The following RBFOX1 variants were observed in gnomAD, a reference collection of about 807,000 sequenced individuals.
The protein encoded by RBFOX1 is RNA binding protein fox-1 homolog 1.
RBFOX1 carries 8 observed loss-of-function variants against 57.7 expected under a neutral mutation model. The observed-to-expected ratio is 0.14, with a 90% confidence interval of 0.08 to 0.25. The LOEUF (loss-of-function observed/expected upper bound fraction) is 0.25, where lower values mean the gene tolerates loss of function less well. Ranked by LOEUF, RBFOX1 falls within the 10% of genes least tolerant of loss-of-function variation. The pLI, the probability that RBFOX1 is intolerant of heterozygous loss-of-function variation, is 1.00. For missense variants in RBFOX1, 611 were observed against 548.5 expected (o/e 1.11, Z -1.14); for synonymous variants, 326 against 222.4 (o/e 1.47, Z -4.15).
chr16:5,725,761 C>T (rs920982222), intron 3 of RBFOX1, among the ~76,000 whole-genome samples: 4 of 151,992 alleles, frequency 2.6e-5, no homozygotes, highest in Non-Finnish European at 5.9e-5. Flanking sequence ...GGAGCTTATG[C>T]TTCCCAAGAA....
intron 4 of RBFOX1, among the ~76,000 whole-genome samples, chr16:7,279,563 C>G (rs543730898): frequency 2.2e-4 from 34 of 152,254 alleles, no homozygotes; most frequent in African/African-American, 8.2e-4. Context: ...CAGGCTGATA[C>G]TATATTATAG....
chr16:6,499,094 G>C (rs1446858926), intron 2 of RBFOX1, among the ~76,000 whole-genome samples: 1 of 152,196 alleles, frequency 6.6e-6, no homozygotes, highest in Non-Finnish European at 1.5e-5. Context: ...CAGCTCCGTG[G>C]AGCACTTTTC....
chr16:5,969,239 C>T (rs1429818990), intron 4 of RBFOX1, among the ~76,000 whole-genome samples: 4 of 150,000 alleles, frequency 2.7e-5, no homozygotes, highest in Non-Finnish European at 4.4e-5. Flanking sequence ...TTAGTCTGCT[C>T]CTTTTTCTCT....
At chr16:7,219,446 G>A (rs1000212437) in intron 4 of RBFOX1, among the ~76,000 whole-genome samples, 4 of 152,206 alleles carry the variant, frequency 2.6e-5, no homozygotes, top group Non-Finnish European at 4.4e-5. Context: ...AAAGAGAACC[G>A]TCGGCTGCTC....
At chr16:6,496,350 C>A (rs1567440033) in intron 2 of RBFOX1, among the ~76,000 whole-genome samples, 1 of 152,170 alleles carries the variant, frequency 6.6e-6, no homozygotes, top group Non-Finnish European at 1.5e-5. Flanking sequence ...TTTTCCTTTT[C>A]ATTTGAACAA....
intron 5 of RBFOX1, among the ~76,000 whole-genome samples, chr16:7,579,081 G>C (rs952276879): frequency 6.6e-6 from 1 of 152,206 alleles, no homozygotes; most frequent in African/African-American, 2.4e-5. Flanking sequence ...TGGTTCTTGA[G>C]CGCTTGAAAT....
At chr16:7,249,834 A>G (rs28498697) in intron 4 of RBFOX1, among the ~76,000 whole-genome samples, 30 of 152,342 alleles carry the variant, frequency 2.0e-4, no homozygotes, top group African/African-American at 5.8e-4. Context: ...AAGTGGAAAT[A>G]CTTGAATAAA....
At chr16:7,637,449 G>T (rs929946906) in intron 11 of RBFOX1, among the ~76,000 whole-genome samples, 1 of 152,132 alleles carries the variant, frequency 6.6e-6, no homozygotes, top group Non-Finnish European at 1.5e-5. Flanking sequence ...TAATTGTGTG[G>T]AATTCATAAA....
intron 1 of RBFOX1, among the ~76,000 whole-genome samples, chr16:6,282,219 A>G (rs751518206): frequency 1.3e-5 from 2 of 152,150 alleles, no homozygotes; most frequent in Admixed American, 6.5e-5. Context: ...GATCTCTGAG[A>G]CAGATGGACA....
intron 4 of RBFOX1, among the ~76,000 whole-genome samples, chr16:7,158,524 T>C (rs1489631944): frequency 6.6e-6 from 1 of 152,110 alleles, no homozygotes; most frequent in Non-Finnish European, 1.5e-5. Flanking sequence ...TTTGTCTGTG[T>C]GATGTGTGTG....
intron 3 of RBFOX1, among the ~76,000 whole-genome samples, chr16:5,729,206 T>A (rs58216807): frequency 0.024 from 3,716 of 152,240 alleles, 137 homozygotes; most frequent in African/African-American, 0.082. Context: ...TTTCTAAGCT[T>A]CAGTTTGTAG....
intron 3 of RBFOX1, among the ~76,000 whole-genome samples, chr16:5,802,035 G>T (rs958219350): frequency 7.2e-5 from 11 of 152,070 alleles, no homozygotes; most frequent in Non-Finnish European, 1.3e-4. Flanking sequence ...GACCTTGACG[G>T]GGCCTCTTTA....
At chr16:6,600,598 C>G (rs538948505) in intron 2 of RBFOX1, among the ~76,000 whole-genome samples, 25 of 152,122 alleles carry the variant, frequency 1.6e-4, no homozygotes, top group Non-Finnish European at 3.4e-4. Context: ...ACTTACAAAC[C>G]TGCCATCATT....
intron 3 of RBFOX1, among the ~76,000 whole-genome samples, chr16:6,946,072 C>A (rs1482909435): frequency 6.6e-6 from 1 of 152,196 alleles, no homozygotes; most frequent in African/African-American, 2.4e-5. Context: ...GCACCCTTTC[C>A]CCAGCAACCT....
intron 3 of RBFOX1, among the ~76,000 whole-genome samples, chr16:6,845,554 C>G (rs1158032923): frequency 1.3e-5 from 2 of 152,160 alleles, no homozygotes; most frequent in Admixed American, 1.3e-4. Context: ...TGTTTTTGCA[C>G]CAGTGCCATG....
chr16:7,096,486 G>C (rs757734633), intron 4 of RBFOX1, among the ~76,000 whole-genome samples: 5 of 152,152 alleles, frequency 3.3e-5, no homozygotes, highest in Admixed American at 2.0e-4. Flanking sequence ...ACTCATCCAA[G>C]AAGTAGTAGG....
At chr16:5,298,395 G>C (rs1238490406) in intron 1 of RBFOX1, among the ~76,000 whole-genome samples, 2 of 151,190 alleles carry the variant, frequency 1.3e-5, no homozygotes, top group African/African-American at 2.4e-5. Context: ...ATGGCGTTTT[G>C]ATTTCTAGAG....
At chr16:6,820,979 A>C (rs1159712629) in intron 3 of RBFOX1, among the ~76,000 whole-genome samples, 3 of 152,226 alleles carry the variant, frequency 2.0e-5, no homozygotes, top group Non-Finnish European at 4.4e-5. Flanking sequence ...ATTATGTGTT[A>C]TATACAGTTA....
intron 3 of RBFOX1, among the ~76,000 whole-genome samples, chr16:5,758,021 C>A (rs746388622): frequency 4.6e-5 from 7 of 152,202 alleles, no homozygotes; most frequent in Non-Finnish European, 2.9e-5. Flanking sequence ...AGAAAAACAT[C>A]TCTGGAACTT....
Sources: allele counts gnomAD v4.1 joint callset (sites outside exome capture counted in the v4.1 genomes callset), GRCh38; gene constraint gnomAD v4.1.1; transcripts MANE v1.5; gene names NCBI Gene and HGNC (gene_info 2026-07-23, HGNC 2026-07-21).